TSHZ3: variants seen among roughly 807,000 people sequenced by gnomAD.
The protein encoded by TSHZ3 is teashirt homolog 3.
A neutral mutation model predicts 64.5 loss-of-function variants in TSHZ3; 10 were observed. The ratio of observed to expected loss-of-function variants is 0.16; its 90% CI spans 0.10 to 0.26. The LOEUF is 0.26. TSHZ3 is among the 10% of genes least tolerant of loss of function. TSHZ3 has a pLI of 1.00. For missense variants in TSHZ3, 1,242 were observed against 1,421.7 expected (o/e 0.87, Z 2.03); for synonymous variants, 608 against 593.1 (o/e 1.03, Z -0.36).
At chr19:31,220,217 C>T (rs371220372) in intron 4 of TSHZ3, among the ~76,000 whole-genome samples, 36 of 152,264 alleles carry the variant, frequency 2.4e-4, no homozygotes, top group East Asian at 1.3e-3. Flanking sequence ...TGAGAAGCAT[C>T]GGCTGCAACT....
chr19:31,226,767 G>A (rs763358636), intron 4 of TSHZ3, among the ~76,000 whole-genome samples: 37 of 151,924 alleles, frequency 2.4e-4, no homozygotes, highest in Non-Finnish European at 4.0e-4. Context: ...TTTACATGTG[G>A]TGTCCTGGCA....
At chr19:31,214,054 G>A (rs1241228659) in intron 4 of TSHZ3, among the ~76,000 whole-genome samples, 1 of 152,234 alleles carries the variant, frequency 6.6e-6, no homozygotes, top group African/African-American at 2.4e-5. Context: ...GAAAGGACGA[G>A]AGATTCTTAG....
At chr19:31,219,784 T>C (rs1959387131) in intron 4 of TSHZ3, among the ~76,000 whole-genome samples, 1 of 149,764 alleles carries the variant, frequency 6.7e-6, no homozygotes, top group South Asian at 2.1e-4. Flanking sequence ...GAAGTGAATA[T>C]ATATGTGTAT....
At chr19:31,235,570 T>G (rs1213077105) in intron 3 of TSHZ3, among the ~76,000 whole-genome samples, 2 of 135,540 alleles carry the variant, frequency 1.5e-5, no homozygotes, top group Non-Finnish European at 3.0e-5. Context: ...GTATCACATT[T>G]TCTTTCCTTC....
At chr19:31,213,331 T>C (rs1454282337) in intron 4 of TSHZ3, among the ~76,000 whole-genome samples, 5 of 110,648 alleles carry the variant, frequency 4.5e-5, no homozygotes, top group African/African-American at 1.8e-4. Flanking sequence ...CACTCCAGCC[T>C]GAGCAACAGA....
At chr19:31,194,802 T>C (rs1234751107) in intron 5 of TSHZ3, among the ~76,000 whole-genome samples, 2 of 152,166 alleles carry the variant, frequency 1.3e-5, no homozygotes, top group African/African-American at 4.8e-5. Context: ...AAAACAACTA[T>C]GATTAATATG....
intron 4 of TSHZ3, among the ~76,000 whole-genome samples, chr19:31,217,805 C>A (rs1443002091): frequency 6.6e-6 from 1 of 152,214 alleles, no homozygotes; most frequent in Non-Finnish European, 1.5e-5. Context: ...CCTCTGTGCT[C>A]TGCCTGTCAT....
chr19:31,319,357 C>T (rs767072532), intron 1 of TSHZ3, among the ~76,000 whole-genome samples: 3 of 152,132 alleles, frequency 2.0e-5, no homozygotes, highest in Non-Finnish European at 4.4e-5. Context: ...ATCATTGTTT[C>T]CAATAAACAT....
In TSHZ3 at chr19:31,226,977, C is replaced by CTTTTTTTTTTTTTTTTTTTTTT. The variant is rs3030229; in HGVS notation, n.686+1027_686+1028insAAAAAAAAAAAAAAAAAAAAAA. Among the ~76,000 whole-genome samples the CTTTTTTTTTTTTTTTTTTTTTT allele has an allele frequency of 6.2e-4, 41 of 65,674 alleles. 1 individual carries two copies. Among genetic ancestry groups the CTTTTTTTTTTTTTTTTTTTTTT allele is most frequent in the African/African-American group, 1.4e-3 (14 of 10,308 alleles). 43.1% of individuals were successfully genotyped at this position (65,674 alleles called of 152,430 possible). A position where few individuals can be genotyped will look rare whatever the true frequency, so the allele number is the denominator to read the frequency against. ...TTTTCTTCTCTTTCTTTCTTTCTTT[C>CTTTTTTTTTTTTTTTTTTTTTT]TTTTTTTTTTTTTTTTTTTGAGATG... On this transcript the variant is annotated intron_variant and non_coding_transcript_variant, in intron 4 of 6. Coordinates refer to the TSHZ3 transcript ENST00000651361.
chr19:31,195,053 G>C (rs913570120), intron 5 of TSHZ3, among the ~76,000 whole-genome samples: 1 of 151,336 alleles, frequency 6.6e-6, no homozygotes, highest in Non-Finnish European at 1.5e-5. Flanking sequence ...GGGAGAAAAA[G>C]AAAAAAATGG....
chr19:31,152,612 G>A (rs1030094977), intron 6 of TSHZ3, among the ~76,000 whole-genome samples: 2 of 152,110 alleles, frequency 1.3e-5, no homozygotes, highest in Admixed American at 1.3e-4. Flanking sequence ...CTAGGGCCCT[G>A]GGAAGAGCCA....
intron 4 of TSHZ3, among the ~76,000 whole-genome samples, chr19:31,227,553 C>G (rs944252007): frequency 3.3e-5 from 5 of 152,138 alleles, no homozygotes; most frequent in Non-Finnish European, 5.9e-5. Flanking sequence ...GCACAGCTTA[C>G]AGCAACAGAA....
intron 1 of TSHZ3, among the ~76,000 whole-genome samples, chr19:31,247,431 T>G (rs1353456106): frequency 6.6e-6 from 1 of 152,074 alleles, no homozygotes; most frequent in East Asian, 1.9e-4. Context: ...AAATGAGTAA[T>G]GCAAACCTAA....
At chr19:31,299,874 G>GTGAACACAGAATGTCACA (rs1443965685) in intron 1 of TSHZ3, among the ~76,000 whole-genome samples, 1 of 152,196 alleles carries the variant, frequency 6.6e-6, no homozygotes, top group Admixed American at 6.5e-5. Context: ...CATCGCCACT[G>GTGAACACAGAATGTCACA]TGAACACAGA....
chr19:31,157,835 T>G (rs2145099841), intron 5 of TSHZ3, among the ~76,000 whole-genome samples: 1 of 152,212 alleles, frequency 6.6e-6, no homozygotes, highest in Middle Eastern at 3.4e-3. Context: ...ATAACAACAT[T>G]ATGCTCCCAA....
chr19:31,243,515 G>C lies in TSHZ3; in HGVS notation n.64-640C>G, dbSNP rs150076518. Among the ~76,000 whole-genome samples, 292 of 152,278 alleles carry C rather than the reference G, an allele frequency of 1.9e-3. 1 individual carries two copies. Among genetic ancestry groups the C allele is most frequent in the Non-Finnish European group, 3.6e-3 (245 of 68,028 alleles). On this transcript the variant is annotated intron_variant and non_coding_transcript_variant, in intron 1 of 6. Transcript: ENST00000651361. ...GGTATCCTATATCATATAATGCCCT[G>C]AACTTTCCCGTGTCAGAGGGAGGTG...
At chr19:31,193,345 A>ACT (rs970842185) in intron 5 of TSHZ3, among the ~76,000 whole-genome samples, 1 of 151,346 alleles carries the variant, frequency 6.6e-6, no homozygotes, top group Non-Finnish European at 1.5e-5. Context: ...TCACCTCCAC[A>ACT]CTCTTATTCT....
rs1976334357 is a variant in TSHZ3 at position 31,279,978 on chromosome 19, T to A, written c.41-226A>T. Among the ~76,000 whole-genome samples, 2 of 152,054 alleles carry A rather than the reference T, an allele frequency of 1.3e-5. No homozygotes were observed. The highest frequency in any genetic ancestry group is 4.2e-4 in the South Asian group (2 of 4,816). ...GCAAAAAAAAAAAAAAATCTGCTCTTCAAACATAATTTGCCACCTTATTCT... is the reference window on the plus strand; with the variant it reads ...GCAAAAAAAAAAAAAAATCTGCTCTACAAACATAATTTGCCACCTTATTCT... On this transcript the variant is annotated intron_variant, in intron 1 of 1. Coordinates refer to ENST00000240587, the MANE Select transcript of TSHZ3 (RefSeq NM_020856.4). This position sits in a 1 kb window ranked among gnomAD's most constrained non-coding sequence, Gnocchi z 6.4.
intron 4 of TSHZ3, among the ~76,000 whole-genome samples, chr19:31,209,175 G>A (rs1044551390): frequency 2.8e-4 from 42 of 152,164 alleles, no homozygotes; most frequent in Non-Finnish European, 5.9e-5. Context: ...TGAGCTGCCC[G>A]TGGGTGCCCA....
Sources: gnomAD v4.1 joint callset for allele counts (sites outside exome capture counted in the v4.1 genomes callset) on GRCh38, gnomAD v4.1.1 for gene constraint, Gnocchi (gnomAD v3.1) non-coding constraint, MANE v1.5 for transcripts, NCBI Gene and HGNC (gene_info 2026-07-23, HGNC 2026-07-21) for gene names.